The following WSCD2 variants were observed in gnomAD, a reference collection of about 807,000 sequenced individuals.
WSCD2 encodes sialate:O-sulfotransferase 2.
WSCD2 carries 28 observed loss-of-function variants against 55.7 expected under a neutral mutation model. That is an observed-to-expected ratio of 0.50 (90% confidence interval 0.37 to 0.69). The LOEUF (loss-of-function observed/expected upper bound fraction) is 0.69. WSCD2 is among the 30% of genes least tolerant of loss of function. The pLI, the probability that WSCD2 is intolerant of heterozygous loss-of-function variation, is 0.00. For synonymous variants in WSCD2, 301 were observed against 301.9 expected (o/e 1.00, Z 0.03); for missense variants, 616 against 762.1 (o/e 0.81, Z 2.26).
chr12:108,221,867 C>G (rs1887562546), intron 4 of WSCD2, among the ~76,000 whole-genome samples: 1 of 152,190 alleles, frequency 6.6e-6, no homozygotes, highest in South Asian at 2.1e-4. Flanking sequence ...AGCATCCTGA[C>G]ACTATCACCA....
rs369308922 is a variant in WSCD2 at position 108,133,623 on chromosome 12, C to T, written c.-552+3697C>T. Among the ~76,000 whole-genome samples the T allele has an allele frequency of 2.6e-4, 39 of 152,256 alleles. No individual in the cohort carries two copies. The East Asian group carries it at 4.0e-3, about 16-fold the overall frequency. ...CCTCAGGACTGAACTGTGCTTGTGC[C>T]GTGCACCTTCCGAGTGTTGATTCAG... On this transcript the variant is annotated intron_variant, in intron 1 of 8. Coordinates refer to ENST00000547525, the MANE Select transcript of WSCD2 (RefSeq NM_014653.4).
chr12:108,238,344 G>A (rs1303621144), intron 7 of WSCD2, among the ~76,000 whole-genome samples: 1 of 152,224 alleles, frequency 6.6e-6, no homozygotes, highest in Non-Finnish European at 1.5e-5. Context: ...GAACCTGACT[G>A]AAGAAATCAC....
intron 1 of WSCD2, among the ~76,000 whole-genome samples, chr12:108,146,331 G>T (rs1388456226): frequency 3.9e-5 from 6 of 152,172 alleles, no homozygotes; most frequent in Non-Finnish European, 8.8e-5. Context: ...TTGAGTGTGG[G>T]TGCGCCCCAC....
rs148298553 is a variant in WSCD2, at chr12:108,224,415, G to A, written c.683-324G>A. On this transcript the variant is annotated intron_variant, in intron 4 of 8. Coordinates refer to ENST00000547525, the MANE Select transcript of WSCD2 (RefSeq NM_014653.4). Reference sequence around the variant, plus strand: ...TTTCCCTGAATGGGGCATTGCCATGGTTGGGAATGAGGAAGTGAGGCATGG... The same window carrying A: ...TTTCCCTGAATGGGGCATTGCCATGATTGGGAATGAGGAAGTGAGGCATGG... Among the ~76,000 whole-genome samples, 12 of 152,316 alleles carry A rather than the reference G, an allele frequency of 7.9e-5. No individual in the cohort carries two copies. The East Asian group carries it at 2.3e-3, about 29-fold the overall frequency.
At chr12:108,136,216 A>G (rs1388780849) in intron 1 of WSCD2, among the ~76,000 whole-genome samples, 3 of 150,426 alleles carry the variant, frequency 2.0e-5, no homozygotes, top group Non-Finnish European at 3.0e-5. Context: ...GAGACAACCC[A>G]AGGCCACATA....
intron 1 of WSCD2, among the ~76,000 whole-genome samples, chr12:108,133,629 C>G (rs1219984830): frequency 6.6e-6 from 1 of 152,196 alleles, no homozygotes; most frequent in African/African-American, 2.4e-5. Flanking sequence ...GTGCCGTGCA[C>G]CTTCCGAGTG....
At chr12:108,203,366 C>T in intron 2 of WSCD2, among the ~76,000 whole-genome samples, 1 of 152,148 alleles carries the variant, frequency 6.6e-6, no homozygotes, top group East Asian at 1.9e-4. Context: ...GCCTTGGTGC[C>T]AGGGACTGGG....
rs1890259309 is a variant in WSCD2 at position 108,248,700 on chromosome 12, G to A, written c.*357G>A. The A allele has an allele frequency of 9.6e-7, 1 of 1,037,924 alleles. No homozygotes were observed. 64.3% of individuals were successfully genotyped at this position (1,037,924 alleles called of 1,614,324 possible). ...CATGGAGACTTGCTGGATGCCCCAT[G>A]GCAATTGTCAAGGCTCTTGATGCAA... On this transcript the variant is annotated 3_prime_UTR_variant, in exon 9 of 9. Transcript: ENST00000547525. The surrounding 1 kb of genome is among the most constrained non-coding windows in gnomAD (Gnocchi z 4.3).
At chr12:108,198,455 C>G (rs1884238156) in intron 2 of WSCD2, among the ~76,000 whole-genome samples, 1 of 152,172 alleles carries the variant, frequency 6.6e-6, no homozygotes, top group Non-Finnish European at 1.5e-5. Flanking sequence ...CCTGGCATGG[C>G]CCTTATATGA....
chr12:108,141,657 A>AG (rs1168412269), intron 1 of WSCD2, among the ~76,000 whole-genome samples: 1 of 152,218 alleles, frequency 6.6e-6, no homozygotes, highest in Non-Finnish European at 1.5e-5. Flanking sequence ...TGAGTAATCC[A>AG]GGATAATCTC....
intron 1 of WSCD2, among the ~76,000 whole-genome samples, chr12:108,147,300 C>T (rs532087071): frequency 5.3e-5 from 8 of 151,964 alleles, no homozygotes; most frequent in East Asian, 1.9e-4. Context: ...CAGGGTCAGG[C>T]GGGGGTAGAG....
At chr12:108,190,792 G>T (rs1012653714) in intron 1 of WSCD2, among the ~76,000 whole-genome samples, 2 of 152,128 alleles carry the variant, frequency 1.3e-5, no homozygotes, top group Non-Finnish European at 2.9e-5. Flanking sequence ...GCCAGCCCTG[G>T]GGGGGAGGCA....
In WSCD2 at chr12:108,163,641, G is replaced by A. The variant is rs185452738; in HGVS notation, c.-551-31641G>A. Among the ~76,000 whole-genome samples, 6 of 152,270 alleles carry A rather than the reference G, an allele frequency of 3.9e-5. No individual in the cohort carries two copies. In the East Asian group the frequency reaches 9.7e-4, roughly 25 times the overall value. On this transcript the variant is annotated intron_variant, in intron 1 of 8. Coordinates refer to ENST00000547525, the MANE Select transcript of WSCD2 (RefSeq NM_014653.4). ...CATAAGAGGGAGGCAGGGAAGATCC[G>A]AGTCAGTAGCAGGAGATGCGATGAT...
intron 2 of WSCD2, among the ~76,000 whole-genome samples, chr12:108,205,065 T>C (rs955305799): frequency 6.6e-6 from 1 of 152,188 alleles, no homozygotes; most frequent in East Asian, 1.9e-4. Context: ...AACAATTAGC[T>C]ATGGGTCTTA....
rs757226811 is a variant in WSCD2 at position 108,240,357 on chromosome 12, G to A, written c.1158G>A (p.Glu386=). The stretch of plus-strand genomic sequence containing the variant: ...GGCTGCGGGAAGGGTTTAAAGGTGA[G>A]CGGGACCACTGGCGCAGCGGACGGA... ...GSLYNKGFKG[E]RDHWRSGRTI... Residue 386 remains glutamate, a synonymous_variant, in exon 8 of 9, where the codon GAG becomes GAA. Transcript: ENST00000547525. 3 of 1,614,084 alleles carry A rather than the reference G, an allele frequency of 1.9e-6. No homozygotes were observed. The highest frequency in any genetic ancestry group is 2.2e-5 in the South Asian group (2 of 91,080).
chr12:108,172,322 T>C (rs1455744439), intron 1 of WSCD2, among the ~76,000 whole-genome samples: 30 of 152,218 alleles, frequency 2.0e-4, no homozygotes, highest in Non-Finnish European at 2.9e-5. Context: ...TTTAGCCCTA[T>C]TTAAAGATGA....
intron 6 of WSCD2, among the ~76,000 whole-genome samples, chr12:108,229,799 GT>G (rs929252504): frequency 6.6e-6 from 1 of 150,846 alleles, no homozygotes; most frequent in African/African-American, 2.4e-5. Context: ...AGAGAATTCT[GT>G]TTTGGGGGGA....
chr12:108,171,080 G>A (rs1201004251), intron 1 of WSCD2, among the ~76,000 whole-genome samples: 1 of 152,176 alleles, frequency 6.6e-6, no homozygotes, highest in Non-Finnish European at 1.5e-5. Flanking sequence ...GACTAGTCTG[G>A]GTGGCAGAGA....
At chr12:108,198,151 A>G (rs1040649598) in intron 2 of WSCD2, among the ~76,000 whole-genome samples, 7 of 151,894 alleles carry the variant, frequency 4.6e-5, no homozygotes, top group Admixed American at 1.3e-4. Context: ...TCTTTGTTTA[A>G]GATCAGCCTG....
Sources: allele counts gnomAD v4.1 joint callset (sites outside exome capture counted in the v4.1 genomes callset), GRCh38; gene constraint gnomAD v4.1.1; non-coding constraint Gnocchi (gnomAD v3.1); transcripts MANE v1.5; gene names NCBI Gene and HGNC (gene_info 2026-07-23, HGNC 2026-07-21).